The following HCRTR2 variants were observed in gnomAD, a reference collection of about 807,000 sequenced individuals.
HCRTR2 encodes the protein orexin receptor type 2.
Under a neutral mutation model 49.0 loss-of-function variants are expected in HCRTR2, and 22 were observed. The observed-to-expected ratio is 0.45, with a 90% CI of 0.32 to 0.64. The LOEUF is 0.64. Ranked by LOEUF, HCRTR2 falls within the 30% of genes least tolerant of loss-of-function variation. HCRTR2 has a pLI of 0.04. For missense variants in HCRTR2, 491 were observed against 559.4 expected (o/e 0.88, Z 1.23); for synonymous variants, 236 against 205.3 (o/e 1.15, Z -1.28).
At chr6:55,162,751 C>A (rs1764824215) in intron 1 of HCRTR2, among the ~76,000 whole-genome samples, 1 of 151,902 alleles carries the variant, frequency 6.6e-6, no homozygotes, top group Non-Finnish European at 1.5e-5. Context: ...CCTAGGAATA[C>A]AACTTACAAG....
At chr6:55,176,124 A>C (rs1043802547) in intron 1 of HCRTR2, among the ~76,000 whole-genome samples, 1 of 152,192 alleles carries the variant, frequency 6.6e-6, no homozygotes, top group Non-Finnish European at 1.5e-5. Flanking sequence ...TGGTCTGGGT[A>C]GAAATCATCC....
chr6:55,138,271 A>G (rs755059019), intron 1 of HCRTR2, among the ~76,000 whole-genome samples: 44 of 152,322 alleles, frequency 2.9e-4, no homozygotes, highest in Non-Finnish European at 5.9e-4. Context: ...CAGTGTGATG[A>G]GACTTAATCC....
chr6:55,263,560 A>C, intron 3 of HCRTR2, 147 bp from the exon 4 acceptor site: 1 of 641,000 alleles, frequency 1.6e-6, no homozygotes, highest in East Asian at 2.8e-5. Flanking sequence ...AAATATTATG[A>C]ATTATTTTTC....
intron 4 of HCRTR2, among the ~76,000 whole-genome samples, chr6:55,266,308 G>A (rs556857464): frequency 2.6e-5 from 4 of 152,210 alleles, no homozygotes; most frequent in Admixed American, 1.3e-4. Context: ...AGATAGTCTC[G>A]CTGTCATCTT....
At chr6:55,178,325 G>GA (rs1765075033) in intron 1 of HCRTR2, among the ~76,000 whole-genome samples, 1 of 151,970 alleles carries the variant, frequency 6.6e-6, no homozygotes. Context: ...TCTCCATATG[G>GA]AAAATAGGAA....
chr6:55,166,426 G>C (rs1764878691), intron 1 of HCRTR2, among the ~76,000 whole-genome samples: 1 of 151,274 alleles, frequency 6.6e-6, no homozygotes, highest in Non-Finnish European at 1.5e-5. Context: ...TTATAAGTTT[G>C]GTAGAATTCA....
intron 1 of HCRTR2, among the ~76,000 whole-genome samples, chr6:55,205,459 G>C (rs1301073835): frequency 2.0e-5 from 3 of 152,036 alleles, no homozygotes; most frequent in Admixed American, 2.0e-4. Flanking sequence ...GTGAAATGTA[G>C]AATGAAAGTC....
chr6:55,247,582 G>C (rs1421218786), intron 1 of HCRTR2, among the ~76,000 whole-genome samples: 2 of 152,120 alleles, frequency 1.3e-5, no homozygotes, highest in African/African-American at 4.8e-5. Flanking sequence ...GTAACTTTCA[G>C]TGAAGCAAAC....
Position 55,226,868 on chromosome 6 carries a change from G to A in HCRTR2, c.224-21771G>A, listed in dbSNP as rs575251406. Reference sequence around the variant, plus strand: ...CGAGTAGCTGGGACTACAGGTGCCCGCCACCACGCCCGGCTAATTGTGATT... The same window carrying A: ...CGAGTAGCTGGGACTACAGGTGCCCACCACCACGCCCGGCTAATTGTGATT... On this transcript the variant is annotated intron_variant, in intron 1 of 6. Transcript: ENST00000370862. Among the ~76,000 whole-genome samples the A allele has an allele frequency of 3.1e-3, 460 of 150,006 alleles. 1 individual carries two copies. The highest frequency in any genetic ancestry group is 0.011 in the African/African-American group (445 of 40,766).
chr6:55,219,921 A>G lies in HCRTR2; in HGVS notation c.224-28718A>G, dbSNP rs150274698. ...TTTGCAGGCTATTCTGTATAATTAT[A>G]CACTAACAAATTGGATAACCTAGAA... is the stretch of plus-strand genomic sequence containing the variant. On this transcript the variant is annotated intron_variant, in intron 1 of 6. Transcript: ENST00000370862. Among the ~76,000 whole-genome samples, 167 of 152,202 alleles carry G rather than the reference A, an allele frequency of 1.1e-3. 3 individuals carry two copies. In the East Asian group the frequency reaches 0.03, roughly 27 times the overall value.
intron 1 of HCRTR2, among the ~76,000 whole-genome samples, chr6:55,111,393 T>C (rs144743058): frequency 2.6e-5 from 4 of 152,048 alleles, no homozygotes; most frequent in Admixed American, 6.6e-5. Flanking sequence ...TTTGAAAAGA[T>C]AAAATTGATA....
intron 5 of HCRTR2, 60 bp downstream of exon 5, chr6:55,277,660 C>CTTT (rs11455646): frequency 5.2e-4 from 488 of 932,986 alleles, no homozygotes; most frequent in Middle Eastern, 6.8e-4. Context: ...TCTTAATTAA[C>CTTT]TTTTTTTTTT....
At chr6:55,111,497 G>A (rs1366733995) in intron 1 of HCRTR2, among the ~76,000 whole-genome samples, 1 of 151,842 alleles carries the variant, frequency 6.6e-6, no homozygotes, top group Non-Finnish European at 1.5e-5. Flanking sequence ...AAATATGAAA[G>A]ATTATTCAAG....
chr6:55,236,328 A>G (rs920443013), intron 1 of HCRTR2, among the ~76,000 whole-genome samples: 2 of 151,914 alleles, frequency 1.3e-5, no homozygotes, highest in African/African-American at 4.8e-5. Flanking sequence ...TTTTGCATAT[A>G]TACATTATAT....
rs188004992 is a variant in HCRTR2 at position 55,190,854 on chromosome 6, C to T, written c.223+16044C>T. Among the ~76,000 whole-genome samples, 558 of 151,206 alleles carry T rather than the reference C, an allele frequency of 3.7e-3. 6 individuals carry two copies. The highest frequency in any genetic ancestry group is 0.013 in the African/African-American group (528 of 41,174). ...AGTCAGAATTTCAGGGAGTGAAGAC[C>T]CTGGAATCTACACTTTAAATAGAGC... On this transcript the variant is annotated intron_variant, in intron 1 of 6. Transcript: ENST00000370862.
chr6:55,118,940 C>A (rs915218091), intron 1 of HCRTR2, among the ~76,000 whole-genome samples: 2 of 151,878 alleles, frequency 1.3e-5, no homozygotes, highest in African/African-American at 4.8e-5. Context: ...CTCCCCTATC[C>A]CCCAACCCCC....
chr6:55,160,054 A>T (rs1347397358), intron 1 of HCRTR2, among the ~76,000 whole-genome samples: 1 of 152,206 alleles, frequency 6.6e-6, no homozygotes, highest in Admixed American at 6.5e-5. Flanking sequence ...ACCAAGGTTG[A>T]AATACAGGAA....
At chr6:55,125,758 C>CATAGTCA (rs1764266249) in intron 1 of HCRTR2, among the ~76,000 whole-genome samples, 4 of 152,036 alleles carry the variant, frequency 2.6e-5, no homozygotes, top group African/African-American at 7.2e-5. Context: ...ACCAATAGAA[C>CATAGTCA]GTATGTTTGG....
intron 1 of HCRTR2, among the ~76,000 whole-genome samples, chr6:55,214,200 C>G (rs1442489206): frequency 6.6e-6 from 1 of 152,166 alleles, no homozygotes; most frequent in East Asian, 1.9e-4. Context: ...AATTTACACA[C>G]ACTGGTACAG....
Sources: allele counts gnomAD v4.1 joint callset (sites outside exome capture counted in the v4.1 genomes callset), GRCh38; gene constraint gnomAD v4.1.1; transcripts MANE v1.5; gene names NCBI Gene and HGNC (gene_info 2026-07-23, HGNC 2026-07-21).